The following ABCC3 variants were observed in gnomAD, a reference collection of about 807,000 sequenced individuals.
The protein encoded by ABCC3 is ATP binding cassette subfamily C member 3.
Under a neutral mutation model 165.3 loss-of-function variants are expected in ABCC3, and 121 were observed. That is an observed-to-expected ratio of 0.73 (90% CI 0.63 to 0.85). The LOEUF (loss-of-function observed/expected upper bound fraction) is 0.85. Among genes scored for constraint, ABCC3 ranks in the 40% least tolerant of loss-of-function variants. ABCC3 has a pLI of 0.00. For synonymous variants in ABCC3, 733 were observed against 810.1 expected (o/e 0.90, Z 1.62); for missense variants, 1,869 against 1,964.1 (o/e 0.95, Z 0.92).
At chr17:50,674,862 C>T (rs893078712) in intron 19 of ABCC3, among the ~76,000 whole-genome samples, 2 of 148,066 alleles carry the variant, frequency 1.4e-5, no homozygotes, top group Admixed American at 6.8e-5. Context: ...TGCAACGGTG[C>T]GATCTTGGCT....
intron 1 of ABCC3, chr17:50,635,185 C>CCTGCCCTGCT (rs2054167205): frequency 1.7e-6 from 1 of 589,822 alleles, no homozygotes; most frequent in African/African-American, 1.9e-5. Flanking sequence ...GTGTCGGGGA[C>CCTGCCCTGCT]CTGCCCTGCT....
intron 1 of ABCC3, among the ~76,000 whole-genome samples, chr17:50,637,476 C>A (rs1037356112): frequency 6.6e-6 from 1 of 152,192 alleles, no homozygotes; most frequent in Non-Finnish European, 1.5e-5. Flanking sequence ...CCCCCTGAAC[C>A]TTTACCTTAG....
rs144663978 is a variant in ABCC3, at chr17:50,681,234, C to T, written c.3807+1335C>T. Among the ~76,000 whole-genome samples the T allele has an allele frequency of 3.1e-3, 466 of 152,262 alleles. 1 individual carries two copies. The highest frequency in any genetic ancestry group is 3.1e-3 in the Non-Finnish European group (213 of 68,014). On this transcript the variant is annotated intron_variant, in intron 26 of 30. Transcript: ENST00000285238. The stretch of plus-strand genomic sequence containing the variant: ...TCTCTGTCCTCAAACCCCACATCTC[C>T]CTCCTGCTCAGCCATCGACCTTGCC...
intron 18 of ABCC3, 52 bp from the exon 19 acceptor site, chr17:50,673,417 C>A: frequency 6.3e-7 from 1 of 1,589,808 alleles, no homozygotes; most frequent in Non-Finnish European, 8.6e-7. Flanking sequence ...GTGCCTGTGC[C>A]AGGGGTGTGC....
rs181845974 is a variant in ABCC3, at chr17:50,662,883, C to T, written c.999-798C>T. 4.9e-4 allele frequency among the ~76,000 whole-genome samples: 75 copies of T among 152,084 alleles called. 1 individual carries two copies. The East Asian group carries it at 0.014, about 29-fold the overall frequency. On this transcript the variant is annotated intron_variant, in intron 8 of 30. Coordinates refer to ENST00000285238, the MANE Select transcript of ABCC3 (RefSeq NM_003786.4). ...AGAGTGTCCCAACAATGAAGAGACTCGGTCATGTCAATAGGTGAAGGTGTA... is the reference window on the plus strand; with the variant it reads ...AGAGTGTCCCAACAATGAAGAGACTTGGTCATGTCAATAGGTGAAGGTGTA...
At position 50,644,475 on chromosome 17, in the gene ABCC3, G is replaced by T. The variant is rs1597839014; in HGVS notation, c.45+9494G>T. Reference sequence around the variant, plus strand: ...CCCTGTAATCCCAGCACTTTGGGAGGCTGAGGCTGGCAGATCACTTGAGGT... The same window carrying T: ...CCCTGTAATCCCAGCACTTTGGGAGTCTGAGGCTGGCAGATCACTTGAGGT... On this transcript the variant is annotated intron_variant, in intron 1 of 30. Coordinates refer to ENST00000285238, the MANE Select transcript of ABCC3 (RefSeq NM_003786.4). 1.4e-4 allele frequency among the ~76,000 whole-genome samples: 22 copies of T among 152,102 alleles called. No homozygotes were observed. In the South Asian group the frequency reaches 4.6e-3, roughly 32 times the overall value.
intron 6 of ABCC3, 93 bp downstream of exon 6, chr17:50,658,589 G>T: frequency 7.1e-7 from 1 of 1,409,958 alleles, no homozygotes; most frequent in Admixed American, 1.7e-5. Context: ...TTAGGGACCG[G>T]GCTGGCCACC....
rs755582252 is a variant in ABCC3, at chr17:50,667,983, C to T, written c.1756C>T (p.Pro586Ser). 6 of 1,613,986 alleles carry T rather than the reference C, an allele frequency of 3.7e-6. No individual in the cohort carries two copies. Among genetic ancestry groups the T allele is most frequent in the Non-Finnish European group, 4.2e-6 (5 of 1,179,844 alleles). The change falls in exon 13 of 31, where the codon CCC (proline) becomes TCC (serine). Residue 586 changes from proline (P) to serine (S), a missense_variant. Physicochemically the swap from Pro to Ser is moderately conservative, Grantham distance 74. Transcript: ENST00000285238. ...NILRLPLNMLPQLISNLTQAS... is the reference protein window; with the variant it reads ...NILRLPLNMLSQLISNLTQAS... ...CTTAAGACTTCCCCTCAACATGCTG[C>T]CCCAGTTAATCAGCAACCTGACTCA...
intron 8 of ABCC3, among the ~76,000 whole-genome samples, chr17:50,662,736 C>T (rs1044383410): frequency 1.3e-5 from 2 of 151,850 alleles, no homozygotes; most frequent in African/African-American, 2.4e-5. Context: ...CAAATGAGGC[C>T]ACGTTCACAG....
At chr17:50,660,698 T>G (rs1967358743) in intron 7 of ABCC3, among the ~76,000 whole-genome samples, 1 of 152,130 alleles carries the variant, frequency 6.6e-6, no homozygotes. Flanking sequence ...TAGCTGGGTT[T>G]TAGAGTCCTT....
chr17:50,660,864 T>C (rs913000872), intron 7 of ABCC3, 59 bp from the exon 8 acceptor site: 46 of 1,497,536 alleles, frequency 3.1e-5, no homozygotes, highest in East Asian at 1.6e-4. Flanking sequence ...GCCTAGCCCT[T>C]GGCTTCCTGG....
At position 50,676,409 on chromosome 17, in the gene ABCC3, C is replaced by G. The variant is rs766311637; in HGVS notation, c.3199C>G (p.Arg1067Gly). The G allele has an allele frequency of 2.5e-6, 4 of 1,614,202 alleles. No individual in the cohort carries two copies. Among genetic ancestry groups the G allele is most frequent in the Non-Finnish European group, 3.4e-6 (4 of 1,180,036 alleles). The change falls in exon 23 of 31, where the codon CGC becomes GGC. Residue 1067 changes from arginine (R) to glycine (G), a missense_variant. Coordinates refer to ENST00000285238, the MANE Select transcript of ABCC3 (RefSeq NM_003786.4). ...CTTCTTTGACACCACACCATCAGGC[C>G]GCATCCTGAACTGCTTCTCCAAGGA... is the stretch of plus-strand genomic sequence containing the variant. The part of the protein sequence containing the change: ...QSFFDTTPSG[R>G]ILNCFSKDIY...
intron 6 of ABCC3, 107 bp from the exon 7 acceptor site, chr17:50,659,130 C>A (rs1967321514): frequency 7.3e-7 from 1 of 1,375,616 alleles, no homozygotes; most frequent in South Asian, 1.3e-5. Context: ...CCGAGGGAGA[C>A]CCTCCTTTCT....
rs752498333 is a variant in ABCC3 at position 50,655,894 on chromosome 17, G to A, written c.108G>A (p.Leu36=). The change falls in exon 2 of 31, where the codon CTG becomes CTA. Residue 36 remains leucine (L), a synonymous_variant. Coordinates refer to ENST00000285238, the MANE Select transcript of ABCC3 (RefSeq NM_003786.4). ...TCACTCCCTGCTTCCAGAACTCCCT[G>A]CTGGCCTGGGTGCCCTGCATCTACC... ...PDLTPCFQNS[L]LAWVPCIYLW... 2 of 1,613,810 alleles carry A rather than the reference G, an allele frequency of 1.2e-6. No individual in the cohort carries two copies. Among genetic ancestry groups the A allele is most frequent in the Non-Finnish European group, 1.7e-6 (2 of 1,179,976 alleles).
chr17:50,656,033 C>T lies in ABCC3; in HGVS notation c.222+25C>T, dbSNP rs368096023. The T allele has an allele frequency of 8.1e-6, 13 of 1,604,534 alleles. No homozygotes were observed. The East Asian group carries it at 1.3e-4, about 17-fold the overall frequency. On this transcript the variant is annotated intron_variant, in intron 2 of 30. Coordinates refer to ENST00000285238, the MANE Select transcript of ABCC3 (RefSeq NM_003786.4). ...GGTCAGTGGCTCAGGGATCTCCTAC[C>T]GATGGGGCTGGGCCCTGGGGATTCT...
At chr17:50,672,113 C>A (rs1449194183) in intron 17 of ABCC3, among the ~76,000 whole-genome samples, 2 of 152,138 alleles carry the variant, frequency 1.3e-5, no homozygotes, top group Non-Finnish European at 2.9e-5. Flanking sequence ...AATGGATCAA[C>A]CATTCATGAG....
At position 50,676,102 on chromosome 17, in the gene ABCC3, G is replaced by C. The variant is rs559353179; in HGVS notation, c.3067+12G>C. Reference sequence around the variant, plus strand: ...AGGAATTCTGCAAGGTGAGCTTGTGGGGGTGTCCAGAAGGGGCTCCAATAT... The same window carrying C: ...AGGAATTCTGCAAGGTGAGCTTGTGCGGGTGTCCAGAAGGGGCTCCAATAT... On this transcript the variant is annotated intron_variant, in intron 22 of 30. Transcript: ENST00000285238. 2.5e-6 allele frequency: 4 copies of C among 1,613,974 alleles called. No homozygotes were observed. The highest frequency in any genetic ancestry group is 2.2e-5 in the South Asian group (2 of 91,030).
chr17:50,656,663 C>G, intron 2 of ABCC3, 39 bp from the exon 3 acceptor site: 1 of 1,589,494 alleles, frequency 6.3e-7, no homozygotes, highest in Non-Finnish European at 8.6e-7. Context: ...CTGTCCTTGC[C>G]TCTGGGGATG....
rs995525168 is a variant in ABCC3, at chr17:50,679,782, C to A, written c.3706-16C>A. 4 of 1,611,274 alleles carry A rather than the reference C, an allele frequency of 2.5e-6. No homozygotes were observed. The highest frequency in any genetic ancestry group is 2.5e-6 in the Non-Finnish European group (3 of 1,177,544). ...AGGGGAGATCGCCATACGTATAACC[C>A]AGTCCCTTTGGCCAGGTGACATTTG... On this transcript the variant is annotated splice_polypyrimidine_tract_variant and intron_variant, in intron 25 of 30. Coordinates refer to ENST00000285238, the MANE Select transcript of ABCC3 (RefSeq NM_003786.4).
Sources: allele counts gnomAD v4.1 joint callset (sites outside exome capture counted in the v4.1 genomes callset), GRCh38; gene constraint gnomAD v4.1.1; transcripts MANE v1.5; gene names NCBI Gene and HGNC (gene_info 2026-07-23, HGNC 2026-07-21).